Variants in SYT1 observed in about 807,000 individuals in gnomAD.
The protein encoded by SYT1 is synaptotagmin 1, also known as synaptotagmin-1.
A neutral mutation model predicts 44.8 loss-of-function variants in SYT1; 8 were observed. The observed-to-expected ratio is 0.18, with a 90% CI of 0.10 to 0.32. The LOEUF (loss-of-function observed/expected upper bound fraction) is 0.32, where lower values mean the gene tolerates loss of function less well. Among genes scored for constraint, SYT1 ranks in the 10% least tolerant of loss-of-function variants. SYT1 has a pLI of 1.00. For synonymous variants in SYT1, 154 were observed against 188.8 expected, an observed-to-expected ratio of 0.82 and a Z score of 1.51; for missense variants, 286 against 509.3, an observed-to-expected ratio of 0.56 and a Z score of 4.22.
intron 3 of SYT1, among the ~76,000 whole-genome samples, chr12:79,120,434 A>G (rs1008054243): frequency 6.6e-6 from 1 of 151,932 alleles, no homozygotes; most frequent in South Asian, 2.1e-4. Context: ...TAAAAAAAAT[A>G]TATAAAAATG....
intron 1 of SYT1, among the ~76,000 whole-genome samples, chr12:78,892,150 T>G (rs1320026355): frequency 3.3e-5 from 5 of 151,776 alleles, no homozygotes; most frequent in Non-Finnish European, 5.9e-5. Context: ...CTATGCTAAG[T>G]GGTTTAAATG....
At chr12:79,127,251 T>C (rs1868498339) in intron 3 of SYT1, among the ~76,000 whole-genome samples, 1 of 152,238 alleles carries the variant, frequency 6.6e-6, no homozygotes, top group African/African-American at 2.4e-5. Flanking sequence ...GATGCAATTT[T>C]CTCCATCTTC....
At chr12:78,994,314 A>G (rs1423253600) in intron 2 of SYT1, among the ~76,000 whole-genome samples, 1 of 152,118 alleles carries the variant, frequency 6.6e-6, no homozygotes, top group African/African-American at 2.4e-5. Flanking sequence ...TTGTTCTCAT[A>G]TATTATTGTT....
At chr12:79,354,474 A>T (rs1883033624) in intron 9 of SYT1, among the ~76,000 whole-genome samples, 1 of 152,182 alleles carries the variant, frequency 6.6e-6, no homozygotes, top group South Asian at 2.1e-4. Flanking sequence ...AAACTTCAAA[A>T]GGTCATCCTA....
chr12:79,061,034 A>C (rs938484509), intron 3 of SYT1, among the ~76,000 whole-genome samples: 3 of 152,118 alleles, frequency 2.0e-5, no homozygotes, highest in Non-Finnish European at 4.4e-5. Context: ...TCGTGAAGTT[A>C]GGGTATTTAA....
chr12:79,264,563 A>G (rs1407714274), intron 4 of SYT1, among the ~76,000 whole-genome samples: 1 of 152,238 alleles, frequency 6.6e-6, no homozygotes, highest in East Asian at 1.9e-4. Context: ...TTGTTGATGC[A>G]CTATAGAATT....
chr12:79,191,731 T>C (rs1873138941), intron 3 of SYT1, among the ~76,000 whole-genome samples: 1 of 152,130 alleles, frequency 6.6e-6, no homozygotes, highest in Non-Finnish European at 1.5e-5. Flanking sequence ...GTAGTGGACA[T>C]TGCTATGCTT....
intron 9 of SYT1, chr12:79,392,327 A>G (rs1051559919): frequency 6.6e-6 from 1 of 152,248 alleles, no homozygotes; most frequent in South Asian, 2.1e-4. Flanking sequence ...GAAAAACTAC[A>G]TGTCATAGGA....
chr12:78,937,701 T>C (rs780398212), intron 1 of SYT1, among the ~76,000 whole-genome samples: 6 of 152,150 alleles, frequency 3.9e-5, no homozygotes, highest in Non-Finnish European at 7.4e-5. Flanking sequence ...ACTGTAATAA[T>C]TACAAATTAC....
At chr12:79,352,267 G>A (rs76431209) in intron 8 of SYT1, among the ~76,000 whole-genome samples, 3 of 152,024 alleles carry the variant, frequency 2.0e-5, no homozygotes, top group Non-Finnish European at 4.4e-5. Flanking sequence ...TTCCACACTG[G>A]AGACTCTGGC....
At chr12:78,940,330 G>A (rs992601428) in intron 1 of SYT1, among the ~76,000 whole-genome samples, 2 of 151,930 alleles carry the variant, frequency 1.3e-5, no homozygotes, top group Non-Finnish European at 2.9e-5. Flanking sequence ...GCTCCTTTTT[G>A]TTATGAGCTC....
At chr12:79,405,636 T>C (rs1452087203) in intron 9 of SYT1, among the ~76,000 whole-genome samples, 1 of 152,170 alleles carries the variant, frequency 6.6e-6, no homozygotes, top group African/African-American at 2.4e-5. Context: ...CACATTGGGC[T>C]GCAAGTAACA....
chr12:79,333,260 C>T (rs1356570086), intron 8 of SYT1, among the ~76,000 whole-genome samples: 2 of 152,162 alleles, frequency 1.3e-5, no homozygotes, highest in East Asian at 1.9e-4. Flanking sequence ...CGCTTACTGG[C>T]TCATGGTCTT....
chr12:79,436,415 A>G (rs1870092443), intron 9 of SYT1, among the ~76,000 whole-genome samples: 1 of 152,220 alleles, frequency 6.6e-6, no homozygotes, highest in Non-Finnish European at 1.5e-5. Flanking sequence ...CAAGAGAAAT[A>G]TGGTAGAAAC....
intron 1 of SYT1, among the ~76,000 whole-genome samples, chr12:78,885,330 G>A (rs7955636): frequency 4.6e-3 from 77 of 16,846 alleles, no homozygotes; most frequent in Non-Finnish European, 5.7e-3. Flanking sequence ...GAAGGAAGGA[G>A]GGAAGGAAGA....
At chr12:79,079,730 G>A (rs1204812287) in intron 3 of SYT1, among the ~76,000 whole-genome samples, 10 of 151,798 alleles carry the variant, frequency 6.6e-5, no homozygotes, top group African/African-American at 9.7e-5. Flanking sequence ...CATTTGAAAG[G>A]CCACAATAAT....
intron 7 of SYT1, 87 bp from the exon 8 acceptor site, chr12:79,299,297 T>G: frequency 7.0e-7 from 1 of 1,428,810 alleles, no homozygotes; most frequent in South Asian, 1.2e-5. Context: ...TTATGCAACG[T>G]AAATATTAAA....
chr12:79,043,173 G>A (rs915352659), intron 2 of SYT1, among the ~76,000 whole-genome samples: 5 of 150,302 alleles, frequency 3.3e-5, no homozygotes, highest in African/African-American at 4.9e-5. Context: ...TCAATTCCTG[G>A]GTATCCTTGT....
chr12:79,415,646 C>T (rs911630513), intron 9 of SYT1, among the ~76,000 whole-genome samples: 3 of 152,130 alleles, frequency 2.0e-5, no homozygotes, highest in Non-Finnish European at 4.4e-5. Flanking sequence ...AGAGTTTTTG[C>T]CTTCATAAAC....
Sources: allele counts gnomAD v4.1 joint callset (sites outside exome capture counted in the v4.1 genomes callset), GRCh38; gene constraint gnomAD v4.1.1; transcripts MANE v1.5; gene names NCBI Gene and HGNC (gene_info 2026-07-23, HGNC 2026-07-21).